Variants in TSEN15 observed in about 807,000 individuals in gnomAD.
TSEN15 encodes the protein tRNA-splicing endonuclease subunit Sen15.
Under a neutral mutation model 20.5 loss-of-function variants are expected in TSEN15, and 10 were observed. The ratio of observed to expected loss-of-function variants is 0.49; its 90% CI spans 0.30 to 0.83. The LOEUF (loss-of-function observed/expected upper bound fraction) is 0.83. Ranked by LOEUF, TSEN15 falls within the 40% of genes least tolerant of loss-of-function variation. TSEN15 has a pLI of 0.06. For synonymous variants in TSEN15, 72 were observed against 80.1 expected (o/e 0.90, Z 0.54); for missense variants, 180 against 218.6 (o/e 0.82, Z 1.11).
At chr1:184,081,607 G>C (rs1354382434) in intron 3 of TSEN15, among the ~76,000 whole-genome samples, 10 of 152,162 alleles carry the variant, frequency 6.6e-5, no homozygotes, top group Non-Finnish European at 1.5e-5. Flanking sequence ...GGAGAGAGCC[G>C]GCAGGTAGAT....
intron 3 of TSEN15, among the ~76,000 whole-genome samples, chr1:184,059,941 TG>T (rs1650388246): frequency 1.3e-5 from 2 of 152,344 alleles, no homozygotes; most frequent in Non-Finnish European, 2.9e-5. Context: ...CACTTGCACT[TG>T]CAATGTGTAA....
At chr1:184,067,372 G>T (rs1650708735) in intron 3 of TSEN15, among the ~76,000 whole-genome samples, 1 of 152,036 alleles carries the variant, frequency 6.6e-6, no homozygotes, top group African/African-American at 2.4e-5. Context: ...GGTTTTCTTT[G>T]ATTATCTACT....
chr1:184,092,783 T>C (rs1479572293), intron 3 of TSEN15, among the ~76,000 whole-genome samples: 1 of 152,232 alleles, frequency 6.6e-6, no homozygotes, highest in African/African-American at 2.4e-5. Flanking sequence ...GGTTCCCTAC[T>C]GAGGGCCTCA....
chr1:184,066,913 C>T (rs1650685914), intron 3 of TSEN15, among the ~76,000 whole-genome samples: 1 of 152,114 alleles, frequency 6.6e-6, no homozygotes, highest in African/African-American at 2.4e-5. Flanking sequence ...ACTATCTCTC[C>T]ATTTGTTTAG....
intron 3 of TSEN15, among the ~76,000 whole-genome samples, chr1:184,068,693 C>G: frequency 6.6e-6 from 1 of 152,162 alleles, no homozygotes; most frequent in East Asian, 1.9e-4. Flanking sequence ...TTCTTTGGGA[C>G]TGAGCCTGTG....
At chr1:184,076,575 G>A (rs888468715), downstream of TSEN15, among the ~76,000 whole-genome samples, 1 of 152,130 alleles carries the variant, frequency 6.6e-6, no homozygotes, top group African/African-American at 2.4e-5. Context: ...AGCTAGAAAC[G>A]ATTACACTTA....
chr1:184,063,212 A>T (rs2102885889), intron 3 of TSEN15, among the ~76,000 whole-genome samples: 1 of 152,284 alleles, frequency 6.6e-6, no homozygotes, highest in South Asian at 2.1e-4. Context: ...ACACTCAGCC[A>T]TCTTATCTGA....
intron 3 of TSEN15, among the ~76,000 whole-genome samples, chr1:184,081,792 G>T (rs1472242160): frequency 6.6e-6 from 1 of 152,090 alleles, no homozygotes; most frequent in Non-Finnish European, 1.5e-5. Context: ...GCCACCTAGA[G>T]GACTTTTTCC....
intron 3 of TSEN15, 113 bp downstream of exon 3, chr1:184,054,976 C>A: frequency 8.1e-7 from 1 of 1,235,834 alleles, no homozygotes; most frequent in Non-Finnish European, 1.1e-6. Context: ...CATAGCTTTA[C>A]TCTTGGCTAT....
At chr1:184,069,130 A>G (rs1650793273) in intron 3 of TSEN15, among the ~76,000 whole-genome samples, 1 of 152,182 alleles carries the variant, frequency 6.6e-6, no homozygotes, top group Non-Finnish European at 1.5e-5. Context: ...GCTTGTTTTC[A>G]AGTTAGCTAT....
chr1:184,085,512 A>G (rs74857602), intron 3 of TSEN15, among the ~76,000 whole-genome samples: 3,970 of 152,326 alleles, frequency 0.026, 176 homozygotes, highest in African/African-American at 0.089. Context: ...TATGAAGAAC[A>G]TAAAGCAGGG....
intron 3 of TSEN15, among the ~76,000 whole-genome samples, chr1:184,068,498 T>C (rs1423286186): frequency 6.6e-6 from 1 of 152,198 alleles, no homozygotes; most frequent in Non-Finnish European, 1.5e-5. Flanking sequence ...TTCTTTTAAC[T>C]GATACAGCAT....
At chr1:184,075,555 C>T (rs1456455465), downstream of TSEN15, among the ~76,000 whole-genome samples, 1 of 152,006 alleles carries the variant, frequency 6.6e-6, no homozygotes, top group Non-Finnish European at 1.5e-5. Context: ...ATAGCCGTGT[C>T]TGATTATATA....
chr1:184,052,936 C>T (rs1650107989), intron 1 of TSEN15, among the ~76,000 whole-genome samples: 1 of 152,150 alleles, frequency 6.6e-6, no homozygotes, highest in Non-Finnish European at 1.5e-5. Context: ...TTAGTTTCCT[C>T]ACCTGAAAAA....
chr1:184,076,025 G>T (rs766256964), downstream of TSEN15, among the ~76,000 whole-genome samples: 3 of 151,482 alleles, frequency 2.0e-5, no homozygotes, highest in Non-Finnish European at 4.4e-5. Context: ...CCCCAGCTCT[G>T]GAACACTCAC....
At chr1:184,085,906 C>G (rs75474469) in intron 3 of TSEN15, among the ~76,000 whole-genome samples, 18,302 of 152,004 alleles carry the variant, frequency 0.12, 1,402 homozygotes, top group Non-Finnish European at 0.16. Flanking sequence ...ACTGACTAGT[C>G]AAGTCAGGAC....
intron 3 of TSEN15, among the ~76,000 whole-genome samples, chr1:184,087,111 T>C (rs1307799719): frequency 6.6e-6 from 1 of 152,146 alleles, no homozygotes; most frequent in African/African-American, 2.4e-5. Context: ...TAGAAAGGTA[T>C]GATGAGGAAA....
At chr1:184,083,542 C>G (rs1651207475) in intron 3 of TSEN15, among the ~76,000 whole-genome samples, 1 of 152,150 alleles carries the variant, frequency 6.6e-6, no homozygotes, top group Non-Finnish European at 1.5e-5. Context: ...GGTAATTCCT[C>G]TCACATAATT....
intron 3 of TSEN15, among the ~76,000 whole-genome samples, chr1:184,092,134 T>A (rs1651371299): frequency 6.6e-6 from 1 of 152,220 alleles, no homozygotes. Flanking sequence ...CTATTACTTA[T>A]TGTATTCAGC....
Sources: allele counts gnomAD v4.1 joint callset (sites outside exome capture counted in the v4.1 genomes callset), GRCh38; gene constraint gnomAD v4.1.1; transcripts MANE v1.5; gene names NCBI Gene and HGNC (gene_info 2026-07-23, HGNC 2026-07-21).